RASGEF1C: variants seen among roughly 807,000 people sequenced by gnomAD.
RASGEF1C encodes ras-GEF domain-containing family member 1C.
Under a neutral mutation model 58.1 loss-of-function variants are expected in RASGEF1C, and 27 were observed. The observed-to-expected ratio is 0.46, with a 90% CI of 0.34 to 0.64. The LOEUF (loss-of-function observed/expected upper bound fraction) is 0.64. RASGEF1C is among the 30% of genes least tolerant of loss of function. RASGEF1C has a pLI of 0.01. For missense variants in RASGEF1C, 502 were observed against 605.1 expected, an observed-to-expected ratio of 0.83 and a Z score of 1.79; for synonymous variants, 243 against 246.3, an observed-to-expected ratio of 0.99 and a Z score of 0.13.
At position 180,160,606 on chromosome 5, in the gene RASGEF1C, C is replaced by T. The variant is rs899484383; in HGVS notation, c.-6-22548G>A. ...TGCCTCTGGGAAGGAAAATTGGCTC[C>T]GAATCTCAGTAGGCCACACACAATA... On this transcript the variant is annotated intron_variant, in intron 1 of 13. Coordinates refer to ENST00000361132, the MANE Select transcript of RASGEF1C (RefSeq NM_175062.4). 7.9e-5 allele frequency among the ~76,000 whole-genome samples: 12 copies of T among 152,082 alleles called. No individual in the cohort carries two copies. In the South Asian group the frequency reaches 2.3e-3, roughly 29 times the overall value.
At position 180,101,051 on chromosome 5, in the gene RASGEF1C, G is replaced by A. The variant is rs928949690; in HGVS notation, c.*450C>T. On this transcript the variant is annotated 3_prime_UTR_variant, in exon 14 of 14. Coordinates refer to ENST00000361132, the MANE Select transcript of RASGEF1C (RefSeq NM_175062.4). ...GGCTGCCAGTGGGCTCGGGGCTGGCGCAGGCATCTCACGTCGCACCGTGAT... is the reference window on the plus strand; with the variant it reads ...GGCTGCCAGTGGGCTCGGGGCTGGCACAGGCATCTCACGTCGCACCGTGAT... 7 of 163,344 alleles carry A rather than the reference G, an allele frequency of 4.3e-5. No homozygotes were observed. In the South Asian group the frequency reaches 9.7e-4, roughly 23 times the overall value. 10.1% of individuals were successfully genotyped at this position (163,344 alleles called of 1,614,324 possible). A position where few individuals can be genotyped will look rare whatever the true frequency, so the allele number is the denominator to read the frequency against.
chr5:180,153,757 T>C (rs144300719), intron 1 of RASGEF1C, among the ~76,000 whole-genome samples: 46 of 152,352 alleles, frequency 3.0e-4, no homozygotes, highest in African/African-American at 1.1e-3. Flanking sequence ...TTCTGGTGGT[T>C]AAATTTTCTC....
At chr5:180,199,069 C>T (rs1335942858) in intron 1 of RASGEF1C, among the ~76,000 whole-genome samples, 1 of 152,174 alleles carries the variant, frequency 6.6e-6, no homozygotes, top group Non-Finnish European at 1.5e-5. Flanking sequence ...CACACCTCTC[C>T]TCCCCAACCC....
chr5:180,175,270 A>G (rs1255633404), intron 1 of RASGEF1C, among the ~76,000 whole-genome samples: 1 of 152,200 alleles, frequency 6.6e-6, no homozygotes, highest in Non-Finnish European at 1.5e-5. Context: ...CAGGGCAGGC[A>G]CTGGACACCT....
intron 12 of RASGEF1C, among the ~76,000 whole-genome samples, chr5:180,105,281 T>A (rs1288112359): frequency 1.3e-5 from 2 of 152,170 alleles, no homozygotes; most frequent in Admixed American, 6.5e-5. Context: ...TCAGGTACTT[T>A]GCCAGGCGCG....
intron 1 of RASGEF1C, among the ~76,000 whole-genome samples, chr5:180,167,439 A>T (rs1767040153): frequency 6.6e-6 from 1 of 152,180 alleles, no homozygotes; most frequent in South Asian, 2.1e-4. Context: ...CAGTGAGCCA[A>T]GATTGCGCCA....
intron 1 of RASGEF1C, among the ~76,000 whole-genome samples, chr5:180,190,306 T>C (rs1332840948): frequency 4.0e-5 from 6 of 151,416 alleles, no homozygotes; most frequent in African/African-American, 1.5e-4. Flanking sequence ...GCTAACACGG[T>C]GAAACCCCGT....
chr5:180,145,801 C>T (rs529314912), intron 1 of RASGEF1C, among the ~76,000 whole-genome samples: 7 of 152,258 alleles, frequency 4.6e-5, no homozygotes, highest in South Asian at 4.2e-4. Flanking sequence ...CTGGAGCTCA[C>T]GCTTCGAGCA....
chr5:180,138,499 T>C (rs145777683), intron 1 of RASGEF1C: 2,459 of 156,148 alleles, frequency 0.016, 36 homozygotes, highest in Middle Eastern at 0.057. Flanking sequence ...ACTTGGAGGC[T>C]TTCTTTCCCC....
intron 1 of RASGEF1C, among the ~76,000 whole-genome samples, chr5:180,206,058 T>C (rs1040552245): frequency 4.0e-5 from 6 of 151,628 alleles, no homozygotes; most frequent in East Asian, 1.9e-4. Flanking sequence ...AATATATTTT[T>C]TCTCTCTCTC....
chr5:180,136,252 G>T, intron 4 of RASGEF1C, 126 bp downstream of exon 4: 1 of 1,011,358 alleles, frequency 9.9e-7, no homozygotes, highest in Non-Finnish European at 1.4e-6. Context: ...CCAGAAAGCG[G>T]CTGGATTTGG....
intron 12 of RASGEF1C, among the ~76,000 whole-genome samples, chr5:180,103,811 C>G (rs1180995238): frequency 3.9e-5 from 6 of 152,176 alleles, no homozygotes; most frequent in Non-Finnish European, 7.3e-5. Flanking sequence ...TTTGCAGAAG[C>G]GTTTCTGTGG....
intron 1 of RASGEF1C, among the ~76,000 whole-genome samples, chr5:180,176,556 CTT>C (rs538002188): frequency 4.6e-4 from 63 of 138,296 alleles, no homozygotes; most frequent in Admixed American, 1.5e-3. Flanking sequence ...AAGGCTAATA[CTT>C]TTTTTTTTTT....
intron 1 of RASGEF1C, among the ~76,000 whole-genome samples, chr5:180,164,597 AT>A (rs746964747): frequency 2.0e-5 from 3 of 152,192 alleles, no homozygotes. Flanking sequence ...TTGTTCTAAG[AT>A]TTCTCTGTTG....
At chr5:180,122,735 T>A (rs1582267620) in intron 6 of RASGEF1C, among the ~76,000 whole-genome samples, 1 of 121,704 alleles carries the variant, frequency 8.2e-6, no homozygotes. Flanking sequence ...GAGCGAAACT[T>A]CATCTAAAAA....
intron 4 of RASGEF1C, among the ~76,000 whole-genome samples, chr5:180,133,216 G>A (rs1051571409): frequency 3.9e-5 from 6 of 152,202 alleles, no homozygotes; most frequent in African/African-American, 9.6e-5. Context: ...AGGGTGGCCC[G>A]ATGCTGGGAA....
chr5:180,176,767 A>G (rs1041314796), intron 1 of RASGEF1C, among the ~76,000 whole-genome samples: 14 of 152,136 alleles, frequency 9.2e-5, no homozygotes, highest in South Asian at 2.1e-4. Context: ...CATGTTGGCC[A>G]GGATGGTCTC....
intron 1 of RASGEF1C, among the ~76,000 whole-genome samples, chr5:180,206,983 AG>A (rs1756500310): frequency 6.6e-6 from 1 of 152,260 alleles, no homozygotes; most frequent in Non-Finnish European, 1.5e-5. Flanking sequence ...CTTTAAGGAT[AG>A]CTTTTTAATA....
At chr5:180,162,332 G>T (rs1437578813) in intron 1 of RASGEF1C, among the ~76,000 whole-genome samples, 3 of 152,236 alleles carry the variant, frequency 2.0e-5, no homozygotes, top group Non-Finnish European at 4.4e-5. Context: ...ATCCAGCTGG[G>T]CTGGGCAGTG....
Sources: allele counts gnomAD v4.1 joint callset (sites outside exome capture counted in the v4.1 genomes callset), GRCh38; gene constraint gnomAD v4.1.1; transcripts MANE v1.5; gene names NCBI Gene and HGNC (gene_info 2026-07-23, HGNC 2026-07-21).